LRP1B: variants seen among roughly 807,000 people sequenced by gnomAD.
LRP1B encodes low-density lipoprotein receptor-related protein 1B.
In LRP1B, 217 loss-of-function variants were observed where a neutral mutation model predicts 556.6. The observed-to-expected ratio is 0.39, with a 90% confidence interval of 0.35 to 0.44. LRP1B has a LOEUF of 0.44. Among genes scored for constraint, LRP1B ranks in the 20% least tolerant of loss-of-function variants. The probability of loss-of-function intolerance (pLI) is 1.00; values close to 1 mark genes in which losing one functional copy is unlikely to be tolerated. For missense variants in LRP1B, 5,053 were observed against 5,620.8 expected (o/e 0.90, Z 3.23); for synonymous variants, 2,047 against 1,865.8 (o/e 1.10, Z -2.50).
intron 4 of LRP1B, among the ~76,000 whole-genome samples, chr2:141,250,895 A>T (rs1445924911): frequency 2.6e-5 from 4 of 152,208 alleles, no homozygotes; most frequent in African/African-American, 9.7e-5. Flanking sequence ...CATGTTAAAA[A>T]ATCCCCAGCG....
At chr2:141,423,066 G>T (rs915823674) in intron 3 of LRP1B, among the ~76,000 whole-genome samples, 1 of 152,098 alleles carries the variant, frequency 6.6e-6, no homozygotes, top group Non-Finnish European at 1.5e-5. Flanking sequence ...AGAAAACAGG[G>T]TGTTGTAAAA....
At chr2:141,690,420 T>A (rs192126576) in intron 2 of LRP1B, among the ~76,000 whole-genome samples, 4,542 of 130,876 alleles carry the variant, frequency 0.035, 515 homozygotes, top group African/African-American at 0.12. Context: ...TATATATATA[T>A]ATATATATAT....
chr2:141,037,235 G>T (rs962114118), intron 11 of LRP1B, among the ~76,000 whole-genome samples: 1 of 151,986 alleles, frequency 6.6e-6, no homozygotes, highest in Non-Finnish European at 1.5e-5. Context: ...GAAAGCTTTG[G>T]CTCCGTAAAG....
intron 2 of LRP1B, among the ~76,000 whole-genome samples, chr2:141,732,998 T>C (rs1162226242): frequency 1.3e-5 from 2 of 152,104 alleles, no homozygotes; most frequent in African/African-American, 2.4e-5. Flanking sequence ...TAGAATATTT[T>C]ATATTCTAGT....
intron 1 of LRP1B, among the ~76,000 whole-genome samples, chr2:142,109,865 A>C (rs1228654078): frequency 6.6e-6 from 1 of 152,178 alleles, no homozygotes; most frequent in African/African-American, 2.4e-5. Flanking sequence ...GAGGAAAATA[A>C]TACATGCATT....
chr2:141,203,979 C>A (rs527973660), intron 6 of LRP1B, among the ~76,000 whole-genome samples: 45 of 152,216 alleles, frequency 3.0e-4, no homozygotes, highest in African/African-American at 1.0e-3. Flanking sequence ...TTCTTTGAAA[C>A]CAATGAGAAT....
At chr2:142,008,498 G>A (rs1384507386) in intron 1 of LRP1B, among the ~76,000 whole-genome samples, 8 of 151,650 alleles carry the variant, frequency 5.3e-5, no homozygotes, top group East Asian at 1.9e-4. Context: ...TCTGTCAGAG[G>A]TCATATTAAG....
chr2:141,367,471 CTTTTTTTTTTTTTTT>C (rs1169568111), intron 3 of LRP1B, among the ~76,000 whole-genome samples: 1 of 44,922 alleles, frequency 2.2e-5, no homozygotes, highest in Admixed American at 3.3e-4. Context: ...ATTTGAAATG[CTTTTTTTTTTTTTTT>C]TTTTTTTTTT....
At chr2:141,618,853 G>A (rs1330640890) in intron 2 of LRP1B, among the ~76,000 whole-genome samples, 9 of 152,210 alleles carry the variant, frequency 5.9e-5, no homozygotes, top group African/African-American at 1.7e-4. Context: ...TCCATCTGGA[G>A]GCTGAGCCTT....
At chr2:141,453,779 G>A (rs900797462) in intron 3 of LRP1B, among the ~76,000 whole-genome samples, 3 of 151,890 alleles carry the variant, frequency 2.0e-5, no homozygotes, top group Non-Finnish European at 4.4e-5. Flanking sequence ...TTAGCCGGGT[G>A]TGGTGACACC....
intron 2 of LRP1B, among the ~76,000 whole-genome samples, chr2:141,526,436 G>A (rs1684695691): frequency 6.6e-6 from 1 of 152,012 alleles, no homozygotes; most frequent in Non-Finnish European, 1.5e-5. Context: ...GATAAATGTT[G>A]ATTGTCAGTG....
chr2:141,473,683 G>C (rs57716392), intron 3 of LRP1B, among the ~76,000 whole-genome samples: 66,826 of 151,826 alleles, frequency 0.44, 15,013 homozygotes, highest in Non-Finnish European at 0.49. Context: ...GTCTTCCTGG[G>C]TAATTCCACT....
At chr2:142,021,032 G>A (rs966768046) in intron 1 of LRP1B, among the ~76,000 whole-genome samples, 3 of 152,142 alleles carry the variant, frequency 2.0e-5, no homozygotes, top group Admixed American at 2.0e-4. Flanking sequence ...TCTACAAAAA[G>A]TCATTGAATG....
intron 3 of LRP1B, among the ~76,000 whole-genome samples, chr2:141,380,651 T>C (rs544347783): frequency 1.3e-5 from 2 of 152,278 alleles, no homozygotes; most frequent in East Asian, 3.9e-4. Flanking sequence ...TGTGCATGTA[T>C]TTCCCACAGC....
chr2:141,545,498 A>C (rs1559132469), intron 2 of LRP1B, among the ~76,000 whole-genome samples: 1 of 152,138 alleles, frequency 6.6e-6, no homozygotes, highest in Non-Finnish European at 1.5e-5. Flanking sequence ...TTGAGATGAA[A>C]AGATAATTCT....
chr2:140,671,545 T>C (rs1383303692), intron 41 of LRP1B, among the ~76,000 whole-genome samples: 1 of 151,858 alleles, frequency 6.6e-6, no homozygotes, highest in Admixed American at 6.6e-5. Context: ...ACAAAAAACA[T>C]CCGTTTTCTT....
intron 35 of LRP1B, among the ~76,000 whole-genome samples, chr2:140,726,454 A>G (rs999212838): frequency 1.3e-5 from 2 of 152,180 alleles, no homozygotes; most frequent in South Asian, 4.1e-4. Context: ...GCTCATCCAG[A>G]GATTACTTTG....
At chr2:140,337,366 G>A (rs559869052) in intron 77 of LRP1B, among the ~76,000 whole-genome samples, 17 of 151,888 alleles carry the variant, frequency 1.1e-4, no homozygotes, top group South Asian at 2.1e-4. Context: ...AAAGCACTCC[G>A]CAATACAGTA....
chr2:140,392,079 C>T (rs1389384270), intron 66 of LRP1B, among the ~76,000 whole-genome samples: 1 of 152,132 alleles, frequency 6.6e-6, no homozygotes, highest in Admixed American at 6.5e-5. Flanking sequence ...GATATTTACA[C>T]ATGTGAAAGG....
Sources: allele counts gnomAD v4.1 joint callset (sites outside exome capture counted in the v4.1 genomes callset), GRCh38; gene constraint gnomAD v4.1.1; transcripts MANE v1.5; gene names NCBI Gene and HGNC (gene_info 2026-07-23, HGNC 2026-07-21).